Variants in USP30 observed in about 807,000 individuals in gnomAD.
The protein encoded by USP30 is ubiquitin carboxyl-terminal hydrolase 30.
A neutral mutation model predicts 68.2 loss-of-function variants in USP30; 41 were observed. That is an observed-to-expected ratio of 0.60 (90% CI 0.47 to 0.78). The LOEUF (loss-of-function observed/expected upper bound fraction) is 0.78, where lower values mean the gene tolerates loss of function less well. USP30 is among the 30% of genes least tolerant of loss of function. The pLI is 0.00. For synonymous variants in USP30, 229 were observed against 253.7 expected (o/e 0.90, Z 0.93); for missense variants, 522 against 649.4 (o/e 0.80, Z 2.13).
At chr12:109,055,397 T>TAC (rs1566085004) in intron 1 of USP30, among the ~76,000 whole-genome samples, 6 of 50,424 alleles carry the variant, frequency 1.2e-4, no homozygotes, top group Non-Finnish European at 2.3e-4. Context: ...TATATATATA[T>TAC]ATATTTTTTT....
At chr12:109,058,915 G>A (rs948963820) in intron 3 of USP30, among the ~76,000 whole-genome samples, 4 of 152,150 alleles carry the variant, frequency 2.6e-5, no homozygotes, top group South Asian at 4.1e-4. Flanking sequence ...TCCATACACC[G>A]CTGAGAGGGG....
intron 1 of USP30, among the ~76,000 whole-genome samples, chr12:109,023,536 T>C (rs760848440): frequency 2.0e-5 from 3 of 151,022 alleles, no homozygotes; most frequent in East Asian, 2.0e-4. Context: ...GCCTGGGTGA[T>C]AGAGCGAAAC....
chr12:109,082,748 G>T lies in USP30; in HGVS notation c.948+5G>T. 2 of 1,613,702 alleles carry T rather than the reference G, an allele frequency of 1.2e-6. No individual in the cohort carries two copies. The highest frequency in any genetic ancestry group is 1.7e-6 in the Non-Finnish European group (2 of 1,179,798). ...AAACAGTTAAAACTAGGGAAGGTGA[G>T]CCCACACTACACACCCTGTTGGCTT... On this transcript the variant is annotated splice_donor_5th_base_variant and intron_variant, in intron 10 of 12. Transcript: ENST00000257548.
At chr12:109,056,272 A>G (rs1368916266) in intron 1 of USP30, among the ~76,000 whole-genome samples, 2 of 152,112 alleles carry the variant, frequency 1.3e-5, no homozygotes, top group Non-Finnish European at 2.9e-5. Context: ...AGCTCTGTGC[A>G]AACTCTGCCT....
At chr12:109,062,541 G>A (rs2041107270) in intron 3 of USP30, among the ~76,000 whole-genome samples, 1 of 151,094 alleles carries the variant, frequency 6.6e-6, no homozygotes, top group Non-Finnish European at 1.5e-5. Flanking sequence ...TGTTAGCCAG[G>A]ATGGTCTCAA....
intron 3 of USP30, among the ~76,000 whole-genome samples, chr12:109,065,732 C>T (rs2041227991): frequency 6.6e-6 from 1 of 152,208 alleles, no homozygotes; most frequent in Admixed American, 6.5e-5. Context: ...GAGGGAAGAA[C>T]AGGGAGTCTG....
At chr12:109,080,690 T>A (rs2041770990) in intron 7 of USP30, among the ~76,000 whole-genome samples, 1 of 152,250 alleles carries the variant, frequency 6.6e-6, no homozygotes, top group Non-Finnish European at 1.5e-5. Context: ...TATATAATGA[T>A]GTTTTGGTCA....
At chr12:109,084,265 T>C (rs1379807750) in intron 11 of USP30, among the ~76,000 whole-genome samples, 2 of 152,202 alleles carry the variant, frequency 1.3e-5, no homozygotes, top group African/African-American at 4.8e-5. Flanking sequence ...AACTACTTGG[T>C]ACATAACAGC....
At chr12:109,034,643 T>A (rs1051661533) in intron 3 of USP30, among the ~76,000 whole-genome samples, 1 of 152,242 alleles carries the variant, frequency 6.6e-6, no homozygotes, top group African/African-American at 2.4e-5. Flanking sequence ...AGAAACAGTT[T>A]ATAGTGTTGT....
intron 1 of USP30, chr12:109,054,111 A>G (rs771697813): frequency 3.1e-5 from 14 of 454,764 alleles, no homozygotes; most frequent in Non-Finnish European, 5.7e-5. Context: ...AGGGGATTTT[A>G]AAGCACTGGT....
rs1566084925 is a variant in USP30, at chr12:109,055,395, T to TAC, written c.84-1286_84-1285insCA. Among the ~76,000 whole-genome samples the TAC allele has an allele frequency of 2.2e-3, 92 of 41,256 alleles. 1 individual carries two copies. Among genetic ancestry groups the TAC allele is most frequent in the East Asian group, 4.0e-3 (2 of 502 alleles). The allele number at this position is 41,256 out of a possible 152,430, so 27.1% of individuals were successfully genotyped here. On this transcript the variant is annotated intron_variant, in intron 1 of 12. Transcript: ENST00000257548. ...ATATATATACATATATATATATATA[T>TAC]ATATATTTTTTTTTTTTTTTTTTTT...
intron 1 of USP30, among the ~76,000 whole-genome samples, chr12:109,055,410 T>A (rs1201166079): frequency 3.3e-4 from 14 of 41,886 alleles, no homozygotes; most frequent in African/African-American, 7.5e-4. Flanking sequence ...ATTTTTTTTT[T>A]TTTTTTTTTT....
chr12:109,056,283 C>G (rs2040875514), intron 1 of USP30, among the ~76,000 whole-genome samples: 1 of 152,114 alleles, frequency 6.6e-6, no homozygotes, highest in African/African-American at 2.4e-5. Context: ...AACTCTGCCT[C>G]CCAGATTCAA....
chr12:109,085,173 A>C, intron 12 of USP30, 100 bp downstream of exon 12: 1 of 1,237,690 alleles, frequency 8.1e-7, no homozygotes, highest in Non-Finnish European at 1.1e-6. Context: ...ATAGATGTTT[A>C]TTTTTCATTT....
At chr12:109,039,814 T>C (rs749290772) in intron 3 of USP30, among the ~76,000 whole-genome samples, 1 of 152,190 alleles carries the variant, frequency 6.6e-6, no homozygotes, top group Non-Finnish European at 1.5e-5. Context: ...TTTCACCATG[T>C]TGGCCAGGAT....
chr12:109,025,082 T>A (rs546261827), intron 2 of USP30: 2 of 152,304 alleles, frequency 1.3e-5, no homozygotes, highest in African/African-American at 4.8e-5. Context: ...GGTGAGTTGA[T>A]CTCTTTCTCC....
intron 3 of USP30, among the ~76,000 whole-genome samples, chr12:109,062,157 A>G (rs902433137): frequency 4.0e-5 from 6 of 149,470 alleles, no homozygotes; most frequent in Non-Finnish European, 8.9e-5. Flanking sequence ...CTGGTCTTGA[A>G]CTCCTGGGCT....
intron 3 of USP30, among the ~76,000 whole-genome samples, chr12:109,066,260 A>AT (rs1400283974): frequency 6.6e-6 from 1 of 151,828 alleles, no homozygotes; most frequent in Non-Finnish European, 1.5e-5. Flanking sequence ...AAAAAAAAAA[A>AT]AAAAAAGCAA....
chr12:109,023,176 TTTAA>T (rs1313625178), intron 1 of USP30: 1 of 152,310 alleles, frequency 6.6e-6, no homozygotes, highest in Non-Finnish European at 1.5e-5. Context: ...AGGTTTTTGC[TTTAA>T]TTACCCCTTT....
Sources: allele counts gnomAD v4.1 joint callset (sites outside exome capture counted in the v4.1 genomes callset), GRCh38; gene constraint gnomAD v4.1.1; transcripts MANE v1.5; gene names NCBI Gene and HGNC (gene_info 2026-07-23, HGNC 2026-07-21).